The following CD82 variants were observed in gnomAD, a reference collection of about 807,000 sequenced individuals.
CD82 encodes CD82 molecule, also known as CD82 antigen.
CD82 carries 36 observed loss-of-function variants against 37.4 expected under a neutral mutation model. The ratio of observed to expected loss-of-function variants is 0.96; its 90% CI spans 0.74 to 1.27. The LOEUF is 1.27. Among genes scored for constraint, CD82 ranks in the 50% most tolerant of loss-of-function variants. CD82 has a pLI of 0.00. For synonymous variants in CD82, 158 were observed against 137.4 expected (o/e 1.15, Z -1.05); for missense variants, 340 against 347.0 (o/e 0.98, Z 0.16).
chr11:44,612,638 T>TTTTA (rs1361030312), intron 6 of CD82, among the ~76,000 whole-genome samples: 3 of 131,414 alleles, frequency 2.3e-5, no homozygotes, highest in Non-Finnish European at 4.9e-5. Flanking sequence ...TTTTTTTTTT[T>TTTTA]TTTTTTTTTT....
chr11:44,579,060 G>A (rs554460102), intron 1 of CD82, among the ~76,000 whole-genome samples: 4 of 152,268 alleles, frequency 2.6e-5, no homozygotes, highest in Admixed American at 6.5e-5. Flanking sequence ...AGAATGGCTG[G>A]ACCAGAGCAC....
At chr11:44,580,874 C>T (rs1852970100) in intron 1 of CD82, among the ~76,000 whole-genome samples, 1 of 152,182 alleles carries the variant, frequency 6.6e-6, no homozygotes, top group East Asian at 1.9e-4. Flanking sequence ...GAGGATGTGG[C>T]ATTTCAGCAG....
chr11:44,574,899 G>C (rs564357573), intron 1 of CD82, among the ~76,000 whole-genome samples: 1 of 152,310 alleles, frequency 6.6e-6, no homozygotes, highest in African/African-American at 2.4e-5. Flanking sequence ...CCCAGCCATT[G>C]CACATTTAGG....
rs751917502 is a variant in CD82 at position 44,605,389 on chromosome 11, A to C, written c.296A>C (p.Gln99Pro). Residue 99 changes from glutamine to proline, a missense_variant, in exon 6 of 10, where the codon CAG becomes CCG. Coordinates refer to ENST00000227155, the MANE Select transcript of CD82 (RefSeq NM_002231.4). The part of the protein sequence containing the change: ...FAFLLLILIA[Q>P]VTAGALFYFN... ...TTCCTGCTCCTGATCCTCATTGCCC[A>C]GGTGACGGCCGGGGCCCTCTTCTAC... is the stretch of plus-strand genomic sequence containing the variant. 1 of 1,614,222 alleles carries C rather than the reference A, an allele frequency of 6.2e-7. No homozygotes were observed. Among genetic ancestry groups the C allele is most frequent in the Admixed American group, 1.7e-5 (1 of 60,028 alleles).
chr11:44,601,482 G>A (rs781274938), intron 4 of CD82, among the ~76,000 whole-genome samples: 10 of 152,124 alleles, frequency 6.6e-5, no homozygotes, highest in Non-Finnish European at 1.2e-4. Flanking sequence ...GGCCCCATTA[G>A]GCCCAGCTCT....
chr11:44,583,803 A>G (rs1276256506), intron 1 of CD82, among the ~76,000 whole-genome samples: 1 of 152,210 alleles, frequency 6.6e-6, no homozygotes, highest in Non-Finnish European at 1.5e-5. Context: ...TGCATGGGAT[A>G]CAGTGGGTAA....
At chr11:44,615,764 T>C (rs546733528) in intron 7 of CD82, among the ~76,000 whole-genome samples, 134 of 152,246 alleles carry the variant, frequency 8.8e-4, no homozygotes, top group African/African-American at 2.9e-3. Flanking sequence ...TGGGGAGGTG[T>C]TGGGGAGCCT....
chr11:44,569,007 A>C (rs1325501009), intron 1 of CD82, among the ~76,000 whole-genome samples: 1 of 152,188 alleles, frequency 6.6e-6, no homozygotes, highest in Non-Finnish European at 1.5e-5. Flanking sequence ...GTTATGACTT[A>C]ATCAAGAACA....
chr11:44,600,273 G>C (rs1037757502), intron 4 of CD82, 43 bp downstream of exon 4: 12 of 1,583,648 alleles, frequency 7.6e-6, no homozygotes, highest in Non-Finnish European at 1.0e-5. Flanking sequence ...CCACTGAAGA[G>C]GGGAGGGCCA....
chr11:44,587,851 C>A, intron 2 of CD82: 1 of 317,914 alleles, frequency 3.1e-6, no homozygotes, highest in South Asian at 2.6e-5. Flanking sequence ...ACCGTCTCTT[C>A]GGACTCAGGG....
At chr11:44,580,207 A>T (rs1852960571) in intron 1 of CD82, among the ~76,000 whole-genome samples, 1 of 152,036 alleles carries the variant, frequency 6.6e-6, no homozygotes, top group Admixed American at 6.6e-5. Context: ...TACCCTCCAC[A>T]CCGGCCCATC....
At chr11:44,616,205 T>C (rs898338071) in intron 7 of CD82, among the ~76,000 whole-genome samples, 1 of 152,024 alleles carries the variant, frequency 6.6e-6, no homozygotes, top group African/African-American at 2.4e-5. Flanking sequence ...CCAGGAGAGT[T>C]TGCAGAGAGG....
At chr11:44,596,411 G>A (rs2134659488) in intron 3 of CD82, among the ~76,000 whole-genome samples, 1 of 152,384 alleles carries the variant, frequency 6.6e-6, no homozygotes, top group South Asian at 2.1e-4. Context: ...TGGCCTAGGA[G>A]ATCACGGAGC....
At chr11:44,590,462 T>G (rs1853126272) in intron 2 of CD82, among the ~76,000 whole-genome samples, 2 of 150,678 alleles carry the variant, frequency 1.3e-5, no homozygotes, top group Non-Finnish European at 3.0e-5. Flanking sequence ...AAAAACAAAA[T>G]TATTCAGGCA....
At chr11:44,579,103 C>G (rs1565081693) in intron 1 of CD82, among the ~76,000 whole-genome samples, 1 of 152,198 alleles carries the variant, frequency 6.6e-6, no homozygotes. Context: ...AAGACCTGGC[C>G]AGCAGCCTGC....
At chr11:44,583,611 G>A (rs1311739452) in intron 1 of CD82, among the ~76,000 whole-genome samples, 1 of 152,214 alleles carries the variant, frequency 6.6e-6, no homozygotes, top group South Asian at 2.1e-4. Context: ...TGGGCAGCAG[G>A]TGAAGATGAA....
intron 1 of CD82, among the ~76,000 whole-genome samples, chr11:44,574,963 A>G (rs374452252): frequency 2.0e-5 from 3 of 152,252 alleles, no homozygotes; most frequent in East Asian, 3.9e-4. Context: ...CCTTGTCCCT[A>G]TGTATATTTT....
At chr11:44,577,650 C>T (rs556858302) in intron 1 of CD82, among the ~76,000 whole-genome samples, 1 of 152,282 alleles carries the variant, frequency 6.6e-6, no homozygotes, top group South Asian at 2.1e-4. Flanking sequence ...ACCCTGGTTT[C>T]CTTCGTCGAA....
At chr11:44,572,446 A>G (rs1852827166) in intron 1 of CD82, among the ~76,000 whole-genome samples, 2 of 152,260 alleles carry the variant, frequency 1.3e-5, no homozygotes, top group South Asian at 2.1e-4. Flanking sequence ...ACAAAAATGT[A>G]TTATATGAAC....
Sources: allele counts gnomAD v4.1 joint callset (sites outside exome capture counted in the v4.1 genomes callset), GRCh38; gene constraint gnomAD v4.1.1; transcripts MANE v1.5; gene names NCBI Gene and HGNC (gene_info 2026-07-23, HGNC 2026-07-21).